The following NUP133 variants were observed in gnomAD, a reference collection of about 807,000 sequenced individuals.
The protein encoded by NUP133 is nucleoporin 133, also known as nuclear pore complex protein Nup133.
In NUP133, 66 loss-of-function variants were observed where a neutral mutation model predicts 146.2. The observed-to-expected ratio is 0.45, with a 90% confidence interval of 0.37 to 0.55. The LOEUF is 0.55. Ranked by LOEUF, NUP133 falls within the 20% of genes least tolerant of loss-of-function variation. NUP133 has a pLI of 0.00. For missense variants in NUP133, 1,277 were observed against 1,374.8 expected (o/e 0.93, Z 1.12); for synonymous variants, 521 against 498.8 (o/e 1.04, Z -0.59).
intron 20 of NUP133, among the ~76,000 whole-genome samples, chr1:229,459,291 T>C (rs944319726): frequency 5.3e-5 from 8 of 152,104 alleles, no homozygotes; most frequent in Non-Finnish European, 1.0e-4. Context: ...GGGAGGCTGA[T>C]GTGGGTGGAT....
chr1:229,447,294 T>C (rs1382217120), intron 24 of NUP133, among the ~76,000 whole-genome samples: 1 of 152,220 alleles, frequency 6.6e-6, no homozygotes, highest in Non-Finnish European at 1.5e-5. Flanking sequence ...ATTACTAATG[T>C]AACCATTAAA....
In NUP133 at chr1:229,477,602, G is replaced by C; in HGVS notation, c.1751C>G (p.Pro584Arg). Residue 584 changes from proline (P) to arginine (R), a missense_variant, in exon 13 of 26, where the codon CCT (proline) becomes CGT (arginine). Transcript: ENST00000261396. ...CATAATTGAAACATTCTTACCCTCAGGGACAGACTCAGCCCACCGTGGGTC... is the reference window on the plus strand; with the variant it reads ...CATAATTGAAACATTCTTACCCTCACGGACAGACTCAGCCCACCGTGGGTC... ...ASDPRWAESV[P>R]EEAPGFSNTS... is the part of the protein sequence containing the mutation. 1 of 1,610,684 alleles carries C rather than the reference G, an allele frequency of 6.2e-7. No individual in the cohort carries two copies. The highest frequency in any genetic ancestry group is 8.5e-7 in the Non-Finnish European group (1 of 1,178,056).
chr1:229,441,525 C>T lies in NUP133; in HGVS notation c.*379G>A. 1 of 505,226 alleles carries T rather than the reference C, an allele frequency of 2.0e-6. No homozygotes were observed. The highest frequency in any genetic ancestry group is 4.1e-6 in the Non-Finnish European group (1 of 246,318). 31.3% of individuals were successfully genotyped at this position (505,226 alleles called of 1,614,324 possible). On this transcript the variant is annotated 3_prime_UTR_variant, in exon 26 of 26. Coordinates refer to ENST00000261396, the MANE Select transcript of NUP133 (RefSeq NM_018230.3). ...CTTCAGTGCAAAGTATCTGGAGTCA[C>T]AGCAATTTTAGAGACAAGCTAGTGC...
At chr1:229,453,760 T>C (rs993135969) in intron 21 of NUP133, among the ~76,000 whole-genome samples, 1 of 152,212 alleles carries the variant, frequency 6.6e-6, no homozygotes, top group South Asian at 2.1e-4. Context: ...CCTATTTACA[T>C]TGTTTACATT....
At chr1:229,467,525 T>G (rs901336645) in intron 15 of NUP133, among the ~76,000 whole-genome samples, 6 of 152,238 alleles carry the variant, frequency 3.9e-5, no homozygotes, top group Non-Finnish European at 7.3e-5. Context: ...CCTTTTGCAT[T>G]TCTGATGTTA....
Position 229,441,911 on chromosome 1 carries a change from T to C in NUP133, c.3464A>G (p.Gln1155Arg). 6.4e-7 allele frequency: 1 copy of C among 1,566,340 alleles called. No homozygotes were observed. The highest frequency in any genetic ancestry group is 1.2e-5 in the South Asian group (1 of 83,144). ...GGCCATTTTTAGAAAAAGTTATATT[T>C]GTCCCTGAACATAATATTCATAATT... ...KANYEYYVQG[Q>R]I Residue 1155 changes from glutamine to arginine, a missense_variant, in exon 26 of 26, where the codon CAA (glutamine) becomes CGA (arginine). Coordinates refer to ENST00000261396, the MANE Select transcript of NUP133 (RefSeq NM_018230.3).
chr1:229,452,287 T>C (rs1660469354), intron 22 of NUP133, among the ~76,000 whole-genome samples: 1 of 152,222 alleles, frequency 6.6e-6, no homozygotes, highest in Non-Finnish European at 1.5e-5. Flanking sequence ...TAATTTCTCC[T>C]GGTCACCTAG....
intron 21 of NUP133, 21 bp downstream of exon 21, chr1:229,458,140 C>T (rs1660609116): frequency 6.2e-7 from 1 of 1,604,020 alleles, no homozygotes; most frequent in African/African-American, 1.3e-5. Flanking sequence ...TTTGTAAATC[C>T]TTTTGCTCAA....
At chr1:229,502,630 T>A (rs1369542521) in intron 2 of NUP133, among the ~76,000 whole-genome samples, 1 of 150,964 alleles carries the variant, frequency 6.6e-6, no homozygotes, top group Admixed American at 6.6e-5. Context: ...TTGGGACATT[T>A]AATATTCCTT....
chr1:229,475,915 C>G (rs1661063842), intron 13 of NUP133, among the ~76,000 whole-genome samples, 183 bp from the exon 14 acceptor site: 1 of 152,140 alleles, frequency 6.6e-6, no homozygotes, highest in African/African-American at 2.4e-5. Flanking sequence ...CGAGACCATC[C>G]TGGCAAACAT....
At chr1:229,463,521 C>A in intron 19 of NUP133, 22 bp downstream of exon 19, 1 of 1,596,314 alleles carries the variant, frequency 6.3e-7, no homozygotes, top group Non-Finnish European at 8.5e-7. Context: ...GACTCAGTGG[C>A]CACACACCCA....
Position 229,441,775 on chromosome 1 carries a change from CAT to C in NUP133, c.*127_*128del, listed in dbSNP as rs1660188313. 3 of 744,462 alleles carry C rather than the reference CAT, an allele frequency of 4.0e-6. No individual in the cohort carries two copies. Among genetic ancestry groups the C allele is most frequent in the Admixed American group, 3.1e-5 (1 of 32,340 alleles). The allele number at this position is 744,462 out of a possible 1,614,324, so 46.1% of individuals were successfully genotyped here. A position where few individuals can be genotyped will look rare whatever the true frequency, so the allele number is the denominator to read the frequency against. ...ATAACTATTTTATATTAGCTTCCTA[CAT>C]ATAAAGTATAAAAACTCAGCTATAC... On this transcript the variant is annotated 3_prime_UTR_variant, in exon 26 of 26. Transcript: ENST00000261396.
chr1:229,486,270 T>G, intron 11 of NUP133, 101 bp downstream of exon 11: 1 of 1,064,664 alleles, frequency 9.4e-7, no homozygotes, highest in South Asian at 1.9e-5. Flanking sequence ...TGCAATGAAC[T>G]ACGACTGTGC....
chr1:229,472,506 T>A (rs1008150092), intron 14 of NUP133, among the ~76,000 whole-genome samples: 1 of 150,874 alleles, frequency 6.6e-6, no homozygotes, highest in Non-Finnish European at 1.5e-5. Flanking sequence ...GGCGATCACC[T>A]GGGTAATGTG....
chr1:229,485,762 A>G (rs1223035385), intron 11 of NUP133, among the ~76,000 whole-genome samples: 1 of 152,240 alleles, frequency 6.6e-6, no homozygotes, highest in Non-Finnish European at 1.5e-5. Flanking sequence ...TGCTCCAGGC[A>G]AAGAGGACAG....
chr1:229,463,510 G>A lies in NUP133; in HGVS notation c.2685+33C>T, dbSNP rs745429184. On this transcript the variant is annotated intron_variant, in intron 19 of 25. Transcript: ENST00000261396. ...GCCATTTCAAGAAAAGGCAACTAAA[G>A]GACTCAGTGGCCACACACCCAACAC... 171 of 1,582,064 alleles carry A rather than the reference G, an allele frequency of 1.1e-4. 1 individual carries two copies. Among genetic ancestry groups the A allele is most frequent in the Admixed American group, 1.7e-4 (9 of 51,888 alleles).
chr1:229,458,237 T>C lies in NUP133; in HGVS notation c.2904A>G (p.Lys968=), dbSNP rs769377422. ...CCAATTTACTCAAGCCAAGAAGGGT[T>C]TTCTTCTTTGCAAAGTAACGAGTTT... ...NMETRYFAKK[K]TLLGLSKLAA... Residue 968 remains lysine (K), a synonymous_variant, in exon 21 of 26, where the codon AAA becomes AAG. Transcript: ENST00000261396. 1 of 1,613,572 alleles carries C rather than the reference T, an allele frequency of 6.2e-7. No homozygotes were observed. The highest frequency in any genetic ancestry group is 1.7e-5 in the Admixed American group (1 of 60,006).
chr1:229,499,330 GA>G (rs1661739771), intron 5 of NUP133: 2 of 458,956 alleles, frequency 4.4e-6, no homozygotes, highest in East Asian at 1.3e-4. Flanking sequence ...ATCTGAAATT[GA>G]TATTTTGGAG....
Position 229,508,300 on chromosome 1 carries a change from C to G in NUP133, c.-51G>C. ...AGCGAGGGATCTGGCCGTCAGGTTG[C>G]AGCCTGGCCTGCGCGCGGAACTTAA... On this transcript the variant is annotated 5_prime_UTR_variant, in exon 1 of 26. Transcript: ENST00000261396. The G allele has an allele frequency of 2.2e-6, 3 of 1,334,398 alleles. No individual in the cohort carries two copies. The highest frequency in any genetic ancestry group is 1.9e-4 in the Middle Eastern group (1 of 5,144). The allele number at this position is 1,334,398 out of a possible 1,614,324, so 82.7% of individuals were successfully genotyped here.
Sources: allele counts gnomAD v4.1 joint callset (sites outside exome capture counted in the v4.1 genomes callset), GRCh38; gene constraint gnomAD v4.1.1; transcripts MANE v1.5; gene names NCBI Gene and HGNC (gene_info 2026-07-23, HGNC 2026-07-21).